HIBADH: variants seen among roughly 807,000 people sequenced by gnomAD.
HIBADH encodes 3-hydroxyisobutyrate dehydrogenase, also known as 3-hydroxyisobutyrate dehydrogenase, mitochondrial.
Under a neutral mutation model 36.1 loss-of-function variants are expected in HIBADH, and 25 were observed. The observed-to-expected ratio is 0.69, with a 90% CI of 0.50 to 0.97. The LOEUF is 0.97. Among genes scored for constraint, HIBADH ranks in the 50% least tolerant of loss-of-function variants. HIBADH has a pLI of 0.00. For missense variants in HIBADH, 421 were observed against 418.0 expected (o/e 1.01, Z -0.06); for synonymous variants, 160 against 149.5 (o/e 1.07, Z -0.51).
chr7:27,659,556 A>AAATAAAT (rs1554302025), intron 1 of HIBADH, among the ~76,000 whole-genome samples: 5 of 151,496 alleles, frequency 3.3e-5, no homozygotes, highest in Non-Finnish European at 5.9e-5. Context: ...CTCTACAAAA[A>AAATAAAT]AAATAAATAA....
At chr7:27,642,622 G>A (rs1039951904) in intron 2 of HIBADH, among the ~76,000 whole-genome samples, 5 of 147,564 alleles carry the variant, frequency 3.4e-5, no homozygotes, top group African/African-American at 1.3e-4. Flanking sequence ...TTATTCTTTC[G>A]CTGTCTGCCT....
chr7:27,530,574 G>T (rs1458633968), intron 7 of HIBADH, among the ~76,000 whole-genome samples: 1 of 152,006 alleles, frequency 6.6e-6, no homozygotes, highest in Non-Finnish European at 1.5e-5. Flanking sequence ...CCCTCAACTG[G>T]GAGAAAATAA....
chr7:27,579,318 G>A (rs1784757858), intron 4 of HIBADH, among the ~76,000 whole-genome samples: 1 of 152,164 alleles, frequency 6.6e-6, no homozygotes, highest in African/African-American at 2.4e-5. Flanking sequence ...CGGGGCTGAA[G>A]GGGGCAAGAG....
intron 4 of HIBADH, among the ~76,000 whole-genome samples, chr7:27,544,089 T>C (rs1039607154): frequency 2.6e-5 from 4 of 152,208 alleles, no homozygotes; most frequent in African/African-American, 9.6e-5. Flanking sequence ...TACAGTACAG[T>C]AAGAACAAAG....
Position 27,628,113 on chromosome 7 carries a change from C to T in HIBADH, c.484+1258G>A, listed in dbSNP as rs966495588. Among the ~76,000 whole-genome samples the T allele has an allele frequency of 3.9e-5, 6 of 152,030 alleles. No individual in the cohort carries two copies. In the East Asian group the frequency reaches 5.8e-4, roughly 15 times the overall value. On this transcript the variant is annotated intron_variant, in intron 4 of 7. Coordinates refer to ENST00000265395, the MANE Select transcript of HIBADH (RefSeq NM_152740.4). Reference sequence around the variant, plus strand: ...TTCCATCCAATAAAAACCACATTAACGCCAACCTTAAAACTGCTTATTAGT... The same window carrying T: ...TTCCATCCAATAAAAACCACATTAATGCCAACCTTAAAACTGCTTATTAGT...
intron 4 of HIBADH, among the ~76,000 whole-genome samples, chr7:27,604,336 A>G (rs1251570224): frequency 6.6e-6 from 1 of 152,156 alleles, no homozygotes; most frequent in Non-Finnish European, 1.5e-5. Context: ...CTCTTACTGC[A>G]TAAAATTGAT....
At chr7:27,612,933 A>G (rs1785347195) in intron 4 of HIBADH, among the ~76,000 whole-genome samples, 1 of 141,544 alleles carries the variant, frequency 7.1e-6, no homozygotes, top group African/African-American at 2.6e-5. Flanking sequence ...GATGACAGAG[A>G]CCATCTCCAA....
chr7:27,611,714 G>C (rs1382530411), intron 4 of HIBADH, among the ~76,000 whole-genome samples: 1 of 152,162 alleles, frequency 6.6e-6, no homozygotes, highest in Non-Finnish European at 1.5e-5. Context: ...CAAAGGCATG[G>C]TATTAGACAT....
chr7:27,530,152 C>T (rs796135910), intron 7 of HIBADH, among the ~76,000 whole-genome samples: 2 of 152,150 alleles, frequency 1.3e-5, no homozygotes, highest in African/African-American at 2.4e-5. Flanking sequence ...GGAACTGAAC[C>T]CACAATATCT....
rs950856183 is a variant in HIBADH, at chr7:27,632,424, C to T, written c.274G>A (p.Val92Ile). 33 of 1,612,854 alleles carry T rather than the reference C, an allele frequency of 2.0e-5. No homozygotes were observed. The highest frequency in any genetic ancestry group is 2.7e-5 in the Non-Finnish European group (32 of 1,179,144). ...ATAATTCTGTCAGCTTTTTCAGCAACATCTGCTGGGGAAGATACTACCTTT... is the reference window on the plus strand; with the variant it reads ...ATAATTCTGTCAGCTTTTTCAGCAATATCTGCTGGGGAAGATACTACCTTT... Reference protein sequence around the residue: ...GEQVVSSPADVAEKADRIITM... With the variant: ...GEQVVSSPADIAEKADRIITM... The change falls in exon 3 of 8, where the codon GTT becomes ATT. Residue 92 changes from valine to isoleucine, a missense_variant. By Grantham distance (29) the Val-to-Ile change is conservative. Transcript: ENST00000265395.
chr7:27,629,638 C>T (rs765894514), intron 3 of HIBADH, 146 bp from the exon 4 acceptor site: 17 of 494,666 alleles, frequency 3.4e-5, no homozygotes, highest in Non-Finnish European at 5.0e-5. Context: ...AATTAGAACA[C>T]GTTTAAAAAT....
rs747333479 is a variant in HIBADH, at chr7:27,632,373, C to T, written c.325G>A (p.Ala109Thr). The T allele has an allele frequency of 1.2e-6, 2 of 1,612,982 alleles. No individual in the cohort carries two copies. Among genetic ancestry groups the T allele is most frequent in the Non-Finnish European group, 1.7e-6 (2 of 1,179,186 alleles). The change falls in exon 3 of 8, where the codon GCA (alanine) becomes ACA (threonine). Residue 109 changes from alanine to threonine, a missense_variant. Coordinates refer to ENST00000265395, the MANE Select transcript of HIBADH (RefSeq NM_152740.4). ...IITMLPTSIN[A>T]IEAYSGANGI... ...TTTGCTCCGGAATAAGCTTCTATTG[C>T]ATTGATACTGGTGGGCAGCATTGTA...
At chr7:27,657,590 G>C (rs1198375084) in intron 1 of HIBADH, among the ~76,000 whole-genome samples, 1 of 151,924 alleles carries the variant, frequency 6.6e-6, no homozygotes, top group Non-Finnish European at 1.5e-5. Flanking sequence ...ATGTTGGATG[G>C]GCCAACATGA....
At chr7:27,538,460 G>A (rs1784098977) in intron 5 of HIBADH, 43 bp from the exon 6 acceptor site, 1 of 1,549,148 alleles carries the variant, frequency 6.5e-7, no homozygotes. Flanking sequence ...GTATTTTCAA[G>A]GTAAAACTCA....
At chr7:27,561,588 T>C (rs1449021213) in intron 4 of HIBADH, among the ~76,000 whole-genome samples, 1 of 152,144 alleles carries the variant, frequency 6.6e-6, no homozygotes, top group South Asian at 2.1e-4. Flanking sequence ...AGAAATACAT[T>C]TCTTCAATTG....
intron 4 of HIBADH, among the ~76,000 whole-genome samples, chr7:27,619,754 A>C (rs1785504528): frequency 6.6e-6 from 1 of 152,220 alleles, no homozygotes; most frequent in Non-Finnish European, 1.5e-5. Context: ...TTTTTGAAAT[A>C]ATGCAGTCAG....
At chr7:27,532,595 T>G (rs939088544) in intron 6 of HIBADH, among the ~76,000 whole-genome samples, 7 of 152,198 alleles carry the variant, frequency 4.6e-5, no homozygotes, top group African/African-American at 9.7e-5. Flanking sequence ...TTTCAAGGGG[T>G]AGCTGTGGTT....
intron 4 of HIBADH, among the ~76,000 whole-genome samples, chr7:27,565,419 G>A (rs1269468032): frequency 6.6e-6 from 1 of 152,114 alleles, no homozygotes; most frequent in Non-Finnish European, 1.5e-5. Context: ...GTCCTGATCT[G>A]TTGGCCTCAC....
chr7:27,569,486 G>T (rs1784598449), intron 4 of HIBADH, among the ~76,000 whole-genome samples: 1 of 152,120 alleles, frequency 6.6e-6, no homozygotes, highest in Non-Finnish European at 1.5e-5. Flanking sequence ...CATCAGCCAG[G>T]AGCCAGCCTG....
Sources: gnomAD v4.1 joint callset for allele counts (sites outside exome capture counted in the v4.1 genomes callset) on GRCh38, gnomAD v4.1.1 for gene constraint, MANE v1.5 for transcripts, NCBI Gene and HGNC (gene_info 2026-07-23, HGNC 2026-07-21) for gene names.